The following ZDHHC17 variants were observed in gnomAD, a reference collection of about 807,000 sequenced individuals.
The protein encoded by ZDHHC17 is zDHHC palmitoyltransferase 17, also known as palmitoyltransferase ZDHHC17.
ZDHHC17 carries 40 observed loss-of-function variants against 90.3 expected under a neutral mutation model. That is an observed-to-expected ratio of 0.44 (90% CI 0.34 to 0.58). The LOEUF is 0.58. Ranked by LOEUF, ZDHHC17 falls within the 20% of genes least tolerant of loss-of-function variation. The pLI is 0.01. For missense variants in ZDHHC17, 614 were observed against 780.8 expected, an observed-to-expected ratio of 0.79 and a Z score of 2.55; for synonymous variants, 235 against 252.4, an observed-to-expected ratio of 0.93 and a Z score of 0.65.
rs562000869 is a variant in ZDHHC17 at position 76,786,380 on chromosome 12, C to T, written c.94-11054C>T. On this transcript the variant is annotated intron_variant, in intron 1 of 16. Transcript: ENST00000426126. ...GAAGTGAATCTCCTGCCTCAGCCCC[C>T]TGAGTAGCTGGGATGGCAGGCACCT... Among the ~76,000 whole-genome samples, 338 of 152,286 alleles carry T rather than the reference C, an allele frequency of 2.2e-3. 3 individuals are homozygous for T. The highest frequency in any genetic ancestry group is 2.7e-3 in the Non-Finnish European group (183 of 68,034).
Position 76,800,885 on chromosome 12 carries a change from CTTTTT to C in ZDHHC17, c.197+3365_197+3369del, listed in dbSNP as rs71085458. 4.2e-3 allele frequency among the ~76,000 whole-genome samples: 451 copies of C among 108,084 alleles called. 2 individuals are homozygous for C. The highest frequency in any genetic ancestry group is 0.015 in the African/African-American group (440 of 28,872). The allele number at this position is 108,084 out of a possible 152,430, so 70.9% of individuals were successfully genotyped here. The stretch of plus-strand genomic sequence containing the variant: ...AGGGACTTCTGTCATTTTGCCATTT[CTTTTT>C]TTTTTTTTTTTTTTTTAGACAGAGT... On this transcript the variant is annotated intron_variant, in intron 2 of 16. Coordinates refer to ENST00000426126, the MANE Select transcript of ZDHHC17 (RefSeq NM_015336.4).
intron 7 of ZDHHC17, among the ~76,000 whole-genome samples, chr12:76,821,410 T>C (rs1469977511): frequency 6.6e-6 from 1 of 152,088 alleles, no homozygotes; most frequent in South Asian, 2.1e-4. Context: ...ATTTTTATTT[T>C]ATAATATTAA....
intron 1 of ZDHHC17, among the ~76,000 whole-genome samples, chr12:76,783,698 C>T (rs1379007254): frequency 6.6e-6 from 1 of 152,238 alleles, no homozygotes; most frequent in Non-Finnish European, 1.5e-5. Context: ...AGGTCCTAAT[C>T]TCTGGAACCT....
chr12:76,786,132 TTTTA>T (rs1169116844), intron 1 of ZDHHC17, among the ~76,000 whole-genome samples: 2 of 151,826 alleles, frequency 1.3e-5, no homozygotes, highest in Non-Finnish European at 2.9e-5. Context: ...CTTTTTTTTT[TTTTA>T]AAGAGATGGG....
At chr12:76,828,320 T>G (rs545829498) in intron 9 of ZDHHC17, 70 bp from the exon 10 acceptor site, 1 of 1,320,830 alleles carries the variant, frequency 7.6e-7, no homozygotes, top group Non-Finnish European at 1.0e-6. Flanking sequence ...TGTGTCATTT[T>G]CATTTAAATA....
chr12:76,781,511 T>C (rs979575212), intron 1 of ZDHHC17: 2 of 423,340 alleles, frequency 4.7e-6, no homozygotes, highest in African/African-American at 2.0e-5. Flanking sequence ...AATGTCCTTA[T>C]CAAGAGAGTG....
At chr12:76,829,258 C>T (rs1027884177) in intron 10 of ZDHHC17, among the ~76,000 whole-genome samples, 3 of 151,734 alleles carry the variant, frequency 2.0e-5, no homozygotes, top group Admixed American at 6.6e-5. Context: ...GGAGTTTGAA[C>T]CAAGACTGGC....
intron 16 of ZDHHC17, among the ~76,000 whole-genome samples, chr12:76,850,119 C>T (rs975960991): frequency 2.0e-5 from 3 of 151,856 alleles, no homozygotes; most frequent in African/African-American, 4.8e-5. Context: ...GTTTCACCAT[C>T]TTGGCCAGGC....
At chr12:76,813,067 T>C (rs1953044652) in intron 5 of ZDHHC17, among the ~76,000 whole-genome samples, 1 of 152,126 alleles carries the variant, frequency 6.6e-6, no homozygotes, top group Admixed American at 6.6e-5. Flanking sequence ...AGATGTGCCA[T>C]GATTTTACAT....
intron 5 of ZDHHC17, among the ~76,000 whole-genome samples, chr12:76,814,015 T>C (rs1953054972): frequency 6.6e-6 from 1 of 152,054 alleles, no homozygotes; most frequent in African/African-American, 2.4e-5. Flanking sequence ...GATCATCTAC[T>C]CTGCTGGGCA....
chr12:76,818,610 T>C (rs939660607), intron 7 of ZDHHC17, among the ~76,000 whole-genome samples: 1 of 152,152 alleles, frequency 6.6e-6, no homozygotes, highest in East Asian at 1.9e-4. Flanking sequence ...GGATCAGTTA[T>C]ACAGAGACAT....
At chr12:76,781,567 T>C in intron 1 of ZDHHC17, 1 of 453,814 alleles carries the variant, frequency 2.2e-6, no homozygotes. Flanking sequence ...AGTTTAGTCC[T>C]CTCGTTTGCT....
rs770467754 is a variant in ZDHHC17, at chr12:76,781,082, C to T, written c.94-16352C>T. ...CCGGGAGGCGGAGCTTGCAGTGAGC[C>T]GAGATTGCGCCACTGCACTCCAGCC... On this transcript the variant is annotated intron_variant, in intron 1 of 16. Transcript: ENST00000426126. Among the ~76,000 whole-genome samples, 15 of 138,040 alleles carry T rather than the reference C, an allele frequency of 1.1e-4. No homozygotes were observed. The Middle Eastern group carries it at 0.018, about 169-fold the overall frequency. 90.6% of individuals were successfully genotyped at this position (138,040 alleles called of 152,430 possible). A position where few individuals can be genotyped will look rare whatever the true frequency, so the allele number is the denominator to read the frequency against.
intron 5 of ZDHHC17, 139 bp from the exon 6 acceptor site, chr12:76,815,007 A>G (rs1953067002): frequency 2.0e-6 from 1 of 501,718 alleles, no homozygotes. Flanking sequence ...AAGTTAAGAA[A>G]GAAAGTTTCA....
intron 2 of ZDHHC17, among the ~76,000 whole-genome samples, chr12:76,798,305 A>G (rs1421110025): frequency 6.6e-6 from 1 of 152,238 alleles, no homozygotes; most frequent in Non-Finnish European, 1.5e-5. Flanking sequence ...AGGCAAAGGA[A>G]AAGGACAAAT....
chr12:76,848,118 A>G, intron 14 of ZDHHC17, 115 bp from the exon 15 acceptor site: 2 of 1,009,956 alleles, frequency 2.0e-6, no homozygotes, highest in Non-Finnish European at 2.9e-6. Flanking sequence ...ATTGAATGTC[A>G]TCAGTTAAAT....
rs1262907972 is a variant in ZDHHC17, at chr12:76,817,784, AATG to A, written c.771+1768_771+1770del. On this transcript the variant is annotated intron_variant, in intron 7 of 16. Transcript: ENST00000426126. The stretch of plus-strand genomic sequence containing the variant: ...CTACAGCAAATTTCAACAGAAAGTT[AATG>A]ATAAGAGTAGAGATATTTAAAATTA... Among the ~76,000 whole-genome samples, 21 of 152,194 alleles carry A rather than the reference AATG, an allele frequency of 1.4e-4. 1 individual carries two copies. Among genetic ancestry groups the A allele is most frequent in the Non-Finnish European group, 7.4e-5 (5 of 67,902 alleles).
Position 76,822,446 on chromosome 12 carries a change from T to C in ZDHHC17, c.812T>C (p.Val271Ala), listed in dbSNP as rs753440327. Reference sequence around the variant, plus strand: ...GATTTGGCAAAACAGAGAAAAAATGTGTGGATGATCAACCACTTACAAGAG... The same window carrying C: ...GATTTGGCAAAACAGAGAAAAAATGCGTGGATGATCAACCACTTACAAGAG... Reference protein sequence around the residue: ...ALDLAKQRKNVWMINHLQEAR... With the variant: ...ALDLAKQRKNAWMINHLQEAR... The change falls in exon 8 of 17, where the codon GTG becomes GCG. Residue 271 changes from valine (V) to alanine (A), a missense_variant. This residue lies in a region of ZDHHC17 where 358 missense variants were observed against 380.4 expected (regional missense o/e 0.94). Transcript: ENST00000426126. 54 of 1,613,736 alleles carry C rather than the reference T, an allele frequency of 3.3e-5. 1 individual carries two copies. The South Asian group carries it at 5.7e-4, about 17-fold the overall frequency.
intron 1 of ZDHHC17, among the ~76,000 whole-genome samples, chr12:76,779,245 TC>T (rs1346930984): frequency 1.3e-5 from 2 of 152,312 alleles, no homozygotes; most frequent in Admixed American, 6.5e-5. Context: ...GCAGTTATTT[TC>T]TCCCAGTCTG....
Sources: gnomAD v4.1 joint callset for allele counts (sites outside exome capture counted in the v4.1 genomes callset) on GRCh38, gnomAD v4.1.1 for gene constraint, gnomAD v4.1.1 regional missense constraint, MANE v1.5 for transcripts, NCBI Gene and HGNC (gene_info 2026-07-23, HGNC 2026-07-21) for gene names.